The following NLGN4Y variants were observed in gnomAD, a reference collection of about 807,000 sequenced individuals.
NLGN4Y encodes neuroligin-4, Y-linked.
NLGN4Y carries 4 observed loss-of-function variants against 8.4 expected under a neutral mutation model. That is an observed-to-expected ratio of 0.48 (90% confidence interval 0.23 to 1.09). The LOEUF (loss-of-function observed/expected upper bound fraction) is 1.09. Ranked by LOEUF, NLGN4Y falls within the 50% of genes least tolerant of loss-of-function variation. The probability of loss-of-function intolerance (pLI) is 0.19; values close to 1 mark genes in which losing one functional copy is unlikely to be tolerated. For synonymous variants in NLGN4Y, 35 were observed against 75.6 expected, an observed-to-expected ratio of 0.46 and a Z score of 2.78; for missense variants, 90 against 192.3, an observed-to-expected ratio of 0.47 and a Z score of 3.15.
intron 2 of NLGN4Y, among the ~76,000 whole-genome samples, chrY:14,624,730 T>C (rs892508289): frequency 9.1e-5 from 3 of 33,135 alleles, no homozygotes; most frequent in African/African-American, 3.5e-4. Context: ...TCGGTTGTTT[T>C]TGTATCTCTA....
At chrY:14,694,548 T>C in intron 2 of NLGN4Y, among the ~76,000 whole-genome samples, 2 of 33,508 alleles carry the variant, frequency 6.0e-5, no homozygotes, top group South Asian at 1.3e-3. Context: ...GATTGTGCAC[T>C]ATCTGAATGA....
intron 1 of NLGN4Y, among the ~76,000 whole-genome samples, chrY:14,569,976 C>T (rs2080264303): frequency 3.0e-5 from 1 of 33,236 alleles, no homozygotes; most frequent in Non-Finnish European, 7.5e-5. Flanking sequence ...TGTGGTTATT[C>T]GGAAACTCAA....
At position 14,842,740 on chromosome Y, in the gene NLGN4Y, T is replaced by G. The variant is rs2043230228; in HGVS notation, c.*1478T>G. On this transcript the variant is annotated 3_prime_UTR_variant, in exon 7 of 7. Coordinates refer to ENST00000684976, the MANE Select transcript of NLGN4Y (RefSeq NM_001365588.1). ...AATATTAAAACTGCTTTGCATAGGT[T>G]TTTGGGGAAATTAGGATATCTTCAC... 1 of 119,973 alleles carries G rather than the reference T, an allele frequency of 8.3e-6. No individual in the cohort carries two copies. The allele number at this position is 119,973 out of a possible 400,897, so 29.9% of individuals were successfully genotyped here.
intron 4 of NLGN4Y, among the ~76,000 whole-genome samples, chrY:14,778,641 T>G: frequency 2.9e-5 from 1 of 34,073 alleles, no homozygotes; most frequent in South Asian, 6.6e-4. Context: ...TTTTGAATTC[T>G]CAGTGTTTCT....
intron 1 of NLGN4Y, among the ~76,000 whole-genome samples, chrY:14,530,780 G>T (rs1399429486): frequency 3.0e-5 from 1 of 33,117 alleles, no homozygotes; most frequent in Non-Finnish European, 7.4e-5. Context: ...CTTACAGAAA[G>T]CTTGTAGAGC....
intron 1 of NLGN4Y, among the ~76,000 whole-genome samples, chrY:14,555,152 A>G (rs542155809): frequency 3.0e-5 from 1 of 33,388 alleles, no homozygotes; most frequent in African/African-American, 1.2e-4. Context: ...TCTTCATTTT[A>G]TATTAGGTGG....
At chrY:14,756,102 A>G in intron 4 of NLGN4Y, among the ~76,000 whole-genome samples, 2 of 33,807 alleles carry the variant, frequency 5.9e-5, no homozygotes, top group South Asian at 1.3e-3. Context: ...TGTGTTTTTT[A>G]GGAATCTTTT....
intron 1 of NLGN4Y, among the ~76,000 whole-genome samples, chrY:14,579,065 G>A (rs2080307876): frequency 3.0e-5 from 1 of 33,853 alleles, no homozygotes; most frequent in Non-Finnish European, 7.3e-5. Context: ...TACAAAGATG[G>A]AGAATCTAAG....
chrY:14,694,389 G>A (rs2080821210), intron 2 of NLGN4Y, among the ~76,000 whole-genome samples: 1 of 33,582 alleles, frequency 3.0e-5, no homozygotes, highest in Admixed American at 2.7e-4. Flanking sequence ...ATTGGGTGGT[G>A]TTTTCCAAAT....
At chrY:14,807,030 G>A in intron 4 of NLGN4Y, among the ~76,000 whole-genome samples, 1 of 32,890 alleles carries the variant, frequency 3.0e-5, no homozygotes, top group African/African-American at 1.2e-4. Flanking sequence ...AAGAAAAATG[G>A]CAAAGACTTT....
intron 1 of NLGN4Y, among the ~76,000 whole-genome samples, chrY:14,577,558 G>A (rs2080303087): frequency 2.9e-5 from 1 of 34,306 alleles, no homozygotes; most frequent in Non-Finnish European, 7.3e-5. Flanking sequence ...TAATCCCAGC[G>A]TTATTGTGTA....
At chrY:14,771,611 G>A in intron 4 of NLGN4Y, among the ~76,000 whole-genome samples, 1 of 32,725 alleles carries the variant, frequency 3.1e-5, no homozygotes, top group Non-Finnish European at 7.5e-5. Context: ...AAAATATAAA[G>A]TCCTGAGACA....
chrY:14,809,603 A>G, intron 4 of NLGN4Y, among the ~76,000 whole-genome samples: 1 of 29,605 alleles, frequency 3.4e-5, no homozygotes, highest in Non-Finnish European at 8.1e-5. Flanking sequence ...GCTGGAGTGC[A>G]GTCACATGAT....
At chrY:14,666,015 T>C in intron 2 of NLGN4Y, among the ~76,000 whole-genome samples, 3 of 33,474 alleles carry the variant, frequency 9.0e-5, no homozygotes, top group Non-Finnish European at 1.5e-4. Context: ...CTCACATACA[T>C]GTCAATTTCT....
At chrY:14,711,941 G>A in intron 2 of NLGN4Y, among the ~76,000 whole-genome samples, 1 of 31,256 alleles carries the variant, frequency 3.2e-5, no homozygotes, top group African/African-American at 1.3e-4. Context: ...TGGCATGCTG[G>A]TGCATTCCTG....
intron 4 of NLGN4Y, among the ~76,000 whole-genome samples, chrY:14,738,790 A>T (rs768703148): frequency 3.0e-5 from 1 of 32,906 alleles, no homozygotes; most frequent in African/African-American, 1.2e-4. Context: ...GCAATAGTCT[A>T]TGAAAACTGT....
At chrY:14,819,080 G>A (rs2043112981) in intron 4 of NLGN4Y, among the ~76,000 whole-genome samples, 1 of 33,029 alleles carries the variant, frequency 3.0e-5, no homozygotes, top group Non-Finnish European at 7.4e-5. Flanking sequence ...CTTTCCCTGA[G>A]TTATGGTGGA....
intron 2 of NLGN4Y, among the ~76,000 whole-genome samples, chrY:14,668,380 C>T: frequency 3.0e-5 from 1 of 33,006 alleles, no homozygotes; most frequent in African/African-American, 1.2e-4. Context: ...TCTTTCACTG[C>T]ATGTAATCTC....
chrY:14,707,003 G>GTA (rs2080881861), intron 2 of NLGN4Y, among the ~76,000 whole-genome samples: 10 of 17,704 alleles, frequency 5.6e-4, no homozygotes, highest in Non-Finnish European at 1.1e-3. Context: ...ACACATATGT[G>GTA]TATATATATA....
Sources: allele counts gnomAD v4.1 joint callset (sites outside exome capture counted in the v4.1 genomes callset), GRCh38; gene constraint gnomAD v4.1.1; transcripts MANE v1.5; gene names NCBI Gene and HGNC (gene_info 2026-07-23, HGNC 2026-07-21).